Variants in ADAM32 observed in about 807,000 individuals in gnomAD.
ADAM32 encodes the protein disintegrin and metalloproteinase domain-containing protein 32.
ADAM32 carries 89 observed loss-of-function variants against 114.9 expected under a neutral mutation model. The observed-to-expected ratio is 0.77, with a 90% CI of 0.65 to 0.92. The LOEUF (loss-of-function observed/expected upper bound fraction) is 0.92. Among genes scored for constraint, ADAM32 ranks in the 40% least tolerant of loss-of-function variants. The probability of loss-of-function intolerance (pLI) is 0.00; values close to 1 mark genes in which losing one functional copy is unlikely to be tolerated. For synonymous variants in ADAM32, 285 were observed against 307.5 expected (o/e 0.93, Z 0.77); for missense variants, 870 against 932.8 (o/e 0.93, Z 0.88).
intron 1 of ADAM32, among the ~76,000 whole-genome samples, chr8:39,113,576 A>G (rs901072288): frequency 2.6e-5 from 4 of 152,106 alleles, no homozygotes; most frequent in African/African-American, 9.7e-5. Context: ...CACTTTGTAC[A>G]GGATATCTCA....
Position 39,164,761 on chromosome 8 carries a change from C to A in ADAM32, c.595-3C>A, listed in dbSNP as rs756201938. 1.9e-6 allele frequency: 3 copies of A among 1,572,326 alleles called. No individual in the cohort carries two copies. Among genetic ancestry groups the A allele is most frequent in the East Asian group, 2.3e-5 (1 of 43,910 alleles). Reference sequence around the variant, plus strand: ...TAAATATAAAATTAATTCTGTTTTTCAGTATGATTACTGGGGCTCTGATAG... The same window carrying A: ...TAAATATAAAATTAATTCTGTTTTTAAGTATGATTACTGGGGCTCTGATAG... On this transcript the variant is annotated splice_polypyrimidine_tract_variant and splice_region_variant and intron_variant, in intron 7 of 24. Coordinates refer to ENST00000379907, the MANE Select transcript of ADAM32 (RefSeq NM_145004.7).
chr8:39,223,303 G>T, intron 14 of ADAM32, 65 bp downstream of exon 14: 1 of 1,136,234 alleles, frequency 8.8e-7, no homozygotes, highest in Non-Finnish European at 1.2e-6. Context: ...AGGATAATGG[G>T]GTATATTTTC....
intron 3 of ADAM32, among the ~76,000 whole-genome samples, chr8:39,142,611 C>G (rs1803234261): frequency 6.6e-6 from 1 of 152,194 alleles, no homozygotes; most frequent in South Asian, 2.1e-4. Flanking sequence ...GGTAAGCCAA[C>G]CTTTCTCTCT....
intron 2 of ADAM32, among the ~76,000 whole-genome samples, chr8:39,125,267 A>G (rs1171349984): frequency 1.3e-5 from 2 of 152,028 alleles, no homozygotes; most frequent in African/African-American, 4.8e-5. Context: ...AGATCTTAAG[A>G]TCTAACGGAA....
rs148188388 is a variant in ADAM32, at chr8:39,251,372, T to C, written c.1903-3042T>C. ...TTTTTTTATCAAAAAGATGGTCTTTTTGTTACAAAAAAAAAATGGCTTTTA... is the reference window on the plus strand; with the variant it reads ...TTTTTTTATCAAAAAGATGGTCTTTCTGTTACAAAAAAAAAATGGCTTTTA... On this transcript the variant is annotated intron_variant, in intron 17 of 24. Transcript: ENST00000379907. 1.0e-2 allele frequency among the ~76,000 whole-genome samples: 1,405 copies of C among 140,750 alleles called. 10 individuals are homozygous for C. The highest frequency in any genetic ancestry group is 0.017 in the Non-Finnish European group (1,061 of 64,210). The allele number at this position is 140,750 out of a possible 152,430, so 92.3% of individuals were successfully genotyped here.
intron 7 of ADAM32, among the ~76,000 whole-genome samples, chr8:39,163,210 T>C (rs1804619048): frequency 6.6e-6 from 1 of 152,148 alleles, no homozygotes; most frequent in African/African-American, 2.4e-5. Flanking sequence ...AAGTGGGTGT[T>C]TTAAAATGTA....
intron 16 of ADAM32, among the ~76,000 whole-genome samples, chr8:39,240,176 C>A (rs1194530450): frequency 6.6e-6 from 1 of 152,156 alleles, no homozygotes; most frequent in East Asian, 1.9e-4. Flanking sequence ...ATATGATAGA[C>A]CACAAAATAA....
At chr8:39,187,113 A>G in intron 11 of ADAM32, 68 bp downstream of exon 11, 2 of 1,442,724 alleles carry the variant, frequency 1.4e-6, no homozygotes, top group Non-Finnish European at 1.9e-6. Flanking sequence ...GTGAAAATTT[A>G]GTATTTACTT....
At chr8:39,136,587 T>C in intron 2 of ADAM32, 70 bp from the exon 3 acceptor site, 1 of 930,658 alleles carries the variant, frequency 1.1e-6, no homozygotes, top group South Asian at 1.7e-5. Context: ...ACAGATTAAT[T>C]GATATAAAAC....
intron 16 of ADAM32, among the ~76,000 whole-genome samples, chr8:39,238,029 A>G (rs1457633070): frequency 1.3e-5 from 2 of 152,224 alleles, no homozygotes; most frequent in Non-Finnish European, 2.9e-5. Context: ...AGGAAAAAAC[A>G]ACAGCTAATT....
chr8:39,195,295 G>T (rs76088300), intron 11 of ADAM32, among the ~76,000 whole-genome samples: 15 of 152,182 alleles, frequency 9.9e-5, no homozygotes, highest in African/African-American at 3.1e-4. Flanking sequence ...TTTATTTGCC[G>T]TTGAGGTTTT....
intron 11 of ADAM32, among the ~76,000 whole-genome samples, chr8:39,198,625 A>G (rs1175929020): frequency 6.6e-6 from 1 of 152,136 alleles, no homozygotes; most frequent in East Asian, 1.9e-4. Context: ...TGATCCACCC[A>G]CCTTGGCCTT....
intron 11 of ADAM32, among the ~76,000 whole-genome samples, chr8:39,208,102 G>T (rs1042693491): frequency 2.0e-5 from 3 of 152,040 alleles, no homozygotes; most frequent in African/African-American, 7.2e-5. Context: ...TGGATTGCTA[G>T]ATCATATAGT....
At chr8:39,178,438 C>T (rs558004633) in intron 10 of ADAM32, among the ~76,000 whole-genome samples, 1 of 152,268 alleles carries the variant, frequency 6.6e-6, no homozygotes, top group Admixed American at 6.5e-5. Context: ...TGATTGTTAG[C>T]TTCTTTGCAT....
At chr8:39,176,366 A>G (rs532000031) in intron 10 of ADAM32, among the ~76,000 whole-genome samples, 1 of 152,308 alleles carries the variant, frequency 6.6e-6, no homozygotes, top group African/African-American at 2.4e-5. Context: ...CCTGCATCCC[A>G]TAGATTCCGG....
At chr8:39,254,315 C>A in intron 17 of ADAM32, 99 bp from the exon 18 acceptor site, 20 of 897,444 alleles carry the variant, frequency 2.2e-5, no homozygotes, top group East Asian at 4.0e-5. Flanking sequence ...TCTAAATAAA[C>A]AAAATTACAC....
intron 12 of ADAM32, among the ~76,000 whole-genome samples, chr8:39,218,847 G>T (rs4292655): frequency 0.047 from 7,209 of 152,062 alleles, 241 homozygotes; most frequent in Middle Eastern, 0.16. Context: ...GAGCCCTCTT[G>T]GTGCTCTACC....
intron 2 of ADAM32, among the ~76,000 whole-genome samples, chr8:39,120,658 A>G (rs1840553190): frequency 6.6e-6 from 1 of 151,198 alleles, no homozygotes; most frequent in East Asian, 1.9e-4. Flanking sequence ...GCTACTCGGG[A>G]GACTGAGGCA....
At chr8:39,129,032 A>C (rs1802277606) in intron 2 of ADAM32, among the ~76,000 whole-genome samples, 1 of 151,742 alleles carries the variant, frequency 6.6e-6, no homozygotes, top group Admixed American at 6.6e-5. Context: ...TGTTTCTAGT[A>C]TATGGAAATA....
Sources: allele counts gnomAD v4.1 joint callset (sites outside exome capture counted in the v4.1 genomes callset), GRCh38; gene constraint gnomAD v4.1.1; transcripts MANE v1.5; gene names NCBI Gene and HGNC (gene_info 2026-07-23, HGNC 2026-07-21).